Variants in NLE1 observed in about 807,000 individuals in gnomAD.
The protein encoded by NLE1 is notchless protein homolog 1.
NLE1 carries 37 observed loss-of-function variants against 62.8 expected under a neutral mutation model. The observed-to-expected ratio is 0.59, with a 90% CI of 0.45 to 0.78. The LOEUF is 0.78. Ranked by LOEUF, NLE1 falls within the 30% of genes least tolerant of loss-of-function variation. The pLI is 0.00. For missense variants in NLE1, 555 were observed against 637.9 expected (o/e 0.87, Z 1.40); for synonymous variants, 243 against 253.0 (o/e 0.96, Z 0.37).
Position 35,136,555 on chromosome 17 carries a change from G to A in NLE1, c.829-58C>T. 3 of 1,564,336 alleles carry A rather than the reference G, an allele frequency of 1.9e-6. No individual in the cohort carries two copies. In the Admixed American group the frequency reaches 5.3e-5, roughly 28 times the overall value. On this transcript the variant is annotated intron_variant, in intron 7 of 12. Coordinates refer to ENST00000442241, the MANE Select transcript of NLE1 (RefSeq NM_018096.5). ...ACTCCTCCCCACGCCTGGGCGATTA[G>A]CCCCAGGAGACAGGTGGTACAAGAC... is the stretch of plus-strand genomic sequence containing the variant.
chr17:35,136,998 T>C lies in NLE1; in HGVS notation c.828+3A>G. The C allele has an allele frequency of 6.3e-7, 1 of 1,590,920 alleles. No homozygotes were observed. The highest frequency in any genetic ancestry group is 8.6e-7 in the Non-Finnish European group (1 of 1,162,624). ...CTGGTTTCTGAACCCTCCCAGCACT[T>C]ACGTCATGAGCTCTCCAGACTTTGA... On this transcript the variant is annotated splice_donor_region_variant and intron_variant, in intron 7 of 12. Coordinates refer to ENST00000442241, the MANE Select transcript of NLE1 (RefSeq NM_018096.5).
Position 35,130,163 on chromosome 17 carries a change from G to A in NLE1, c.*2274C>T. The A allele has an allele frequency of 4.7e-6, 7 of 1,476,586 alleles. No individual in the cohort carries two copies. The highest frequency in any genetic ancestry group is 5.4e-6 in the Non-Finnish European group (6 of 1,117,000). The allele number at this position is 1,476,586 out of a possible 1,614,324, so 91.5% of individuals were successfully genotyped here. ...TGTTTCCTGCGTCAATGGCTAGGTT[G>A]GATAAGGCTGTTTAAGGTCTGAGTC... On this transcript the variant is annotated 3_prime_UTR_variant, in exon 13 of 13. Coordinates refer to ENST00000442241, the MANE Select transcript of NLE1 (RefSeq NM_018096.5).
rs956957977 is a variant in NLE1 at position 35,137,626 on chromosome 17, G to T, written c.552C>A (p.Asp184Glu). The change falls in exon 6 of 13, where the codon GAC becomes GAA. Residue 184 changes from aspartate (D) to glutamate (E), a missense_variant. Physicochemically the swap from Asp to Glu is conservative, Grantham distance 45. Coordinates refer to ENST00000442241, the MANE Select transcript of NLE1 (RefSeq NM_018096.5). ...TGCCCACCTGCTTCCCTGTGCTTGG[G>T]TCCCAGAGGAGAATCTGAAGGACAG... ...GCKNGQILLW[D>E]PSTGKQVGRT... 7 of 1,610,184 alleles carry T rather than the reference G, an allele frequency of 4.3e-6. No homozygotes were observed. Among genetic ancestry groups the T allele is most frequent in the Middle Eastern group, 3.3e-4 (2 of 6,058 alleles).
At position 35,129,559 on chromosome 17, in the gene NLE1, T is replaced by G; in HGVS notation, c.*2878A>C. ...GGATCTTCAACAAGATTTTGGGCAC[T>G]ACTGTCAAGCTGATGGAGCTAAAGC... On this transcript the variant is annotated 3_prime_UTR_variant, in exon 13 of 13. Coordinates refer to ENST00000442241, the MANE Select transcript of NLE1 (RefSeq NM_018096.5). 3 of 1,614,200 alleles carry G rather than the reference T, an allele frequency of 1.9e-6. No individual in the cohort carries two copies. The highest frequency in any genetic ancestry group is 2.5e-6 in the Non-Finnish European group (3 of 1,180,028).
Position 35,131,660 on chromosome 17 carries a change from G to A in NLE1, c.*777C>T, listed in dbSNP as rs2091876721. ...TCCCATGGGCCCAGGGCAGTGCTTG[G>A]TGCCTGGCAGGGCCTCAAGCAGTGT... is the stretch of plus-strand genomic sequence containing the variant. On this transcript the variant is annotated 3_prime_UTR_variant, in exon 13 of 13. Coordinates refer to ENST00000442241, the MANE Select transcript of NLE1 (RefSeq NM_018096.5). The A allele has an allele frequency of 1.3e-5, 2 of 152,342 alleles. No homozygotes were observed. 9.4% of individuals were successfully genotyped at this position (152,342 alleles called of 1,614,324 possible).
rs2091866404 is a variant in NLE1, at chr17:35,129,953, T to C, written c.*2484A>G. 1 of 1,368,688 alleles carries C rather than the reference T, an allele frequency of 7.3e-7. No individual in the cohort carries two copies. Among genetic ancestry groups the C allele is most frequent in the Non-Finnish European group, 9.4e-7 (1 of 1,061,302 alleles). The allele number at this position is 1,368,688 out of a possible 1,614,324, so 84.8% of individuals were successfully genotyped here. A position where few individuals can be genotyped will look rare whatever the true frequency, so the allele number is the denominator to read the frequency against. On this transcript the variant is annotated 3_prime_UTR_variant, in exon 13 of 13. Transcript: ENST00000442241. ...GCAATTCAGTGCCCATGATTGTGAG[T>C]AGGCTGGGAAGTCAAGGGCATTGAA...
intron 11 of NLE1, 39 bp from the exon 12 acceptor site, chr17:35,133,280 G>A (rs2091888211): frequency 1.2e-6 from 2 of 1,613,964 alleles, no homozygotes; most frequent in South Asian, 2.2e-5. Context: ...GGTGGTGAGA[G>A]GGAGACAGCC....
intron 10 of NLE1, among the ~76,000 whole-genome samples, chr17:35,134,673 T>C (rs917956332): frequency 6.6e-6 from 1 of 152,158 alleles, no homozygotes; most frequent in Admixed American, 6.5e-5. Flanking sequence ...CTCCTGGGAT[T>C]ATGGGCATGA....
intron 10 of NLE1, among the ~76,000 whole-genome samples, chr17:35,134,477 G>A (rs1433635795): frequency 6.6e-6 from 1 of 151,780 alleles, no homozygotes; most frequent in Non-Finnish European, 1.5e-5. Context: ...TCGACTCACT[G>A]CAACCTTTGC....
chr17:35,142,268 G>A lies in NLE1; in HGVS notation c.8C>T (p.Ala3Val), dbSNP rs745933276. The change falls in exon 1 of 13, where the codon GCA becomes GTA. Residue 3 changes from alanine to valine, a missense_variant. Physicochemically the swap from Ala to Val is moderately conservative, Grantham distance 64. Transcript: ENST00000442241. Reference sequence around the variant, plus strand: ...TCCACGCACACCCACCGGCACTGCTGCCGCCATCCTGCGTCCCCACGTGGA... The same window carrying A: ...TCCACGCACACCCACCGGCACTGCTACCGCCATCCTGCGTCCCCACGTGGA... MA[A>V]AVPDEAVARD... 4.5e-6 allele frequency: 7 copies of A among 1,543,594 alleles called. No homozygotes were observed. Among genetic ancestry groups the A allele is most frequent in the Non-Finnish European group, 6.1e-6 (7 of 1,147,524 alleles).
In NLE1 at chr17:35,137,143, C is replaced by T. The variant is rs368961163; in HGVS notation, c.686G>A (p.Arg229Gln). 5.0e-6 allele frequency: 8 copies of T among 1,613,362 alleles called. No homozygotes were observed. The highest frequency in any genetic ancestry group is 4.5e-5 in the East Asian group (2 of 44,856). ...VASSSKDGSVRIWDTTAGRCE... is the reference protein window; with the variant it reads ...VASSSKDGSVQIWDTTAGRCE... ...GCGGCCTGCAGTTGTGTCCCAGATC[C>T]GCACACTGCCATCCTTGGAGCTGCT... is the stretch of plus-strand genomic sequence containing the variant. The change falls in exon 7 of 13, where the codon CGG becomes CAG. Residue 229 changes from arginine (R) to glutamine (Q), a missense_variant. By Grantham distance (43) the Arg-to-Gln change is conservative (BLOSUM62 1). Coordinates refer to ENST00000442241, the MANE Select transcript of NLE1 (RefSeq NM_018096.5).
At chr17:35,135,533 C>G in intron 9 of NLE1, 82 bp from the exon 10 acceptor site, 1 of 1,235,998 alleles carries the variant, frequency 8.1e-7, no homozygotes, top group African/African-American at 1.5e-5. Context: ...CAAGCATACA[C>G]CCTGATTACT....
In NLE1 at chr17:35,142,113, C is replaced by T. The variant is rs773917230; in HGVS notation, c.28G>A (p.Val10Met). Residue 10 changes from valine to methionine, a missense_variant, in exon 2 of 13, where the codon GTG becomes ATG. Coordinates refer to ENST00000442241, the MANE Select transcript of NLE1 (RefSeq NM_018096.5). The stretch of plus-strand genomic sequence containing the variant: ...AGCAACCGCTGCACATCGCGCGCCA[C>T]CGCCTCGTCCTGCGCGAGCAAGTGG... The part of the protein sequence containing the change: MAAAVPDEA[V>M]ARDVQRLLVQ... 7.4e-6 allele frequency: 12 copies of T among 1,611,340 alleles called. No individual in the cohort carries two copies. Among genetic ancestry groups the T allele is most frequent in the Non-Finnish European group, 1.0e-5 (12 of 1,179,348 alleles).
chr17:35,137,927 T>A (rs1480176119), intron 4 of NLE1, 37 bp from the exon 5 acceptor site: 1 of 1,518,760 alleles, frequency 6.6e-7, no homozygotes, highest in Non-Finnish European at 9.1e-7. Context: ...AGGGACTACA[T>A]CTGTCTTTAT....
chr17:35,130,515 ATACCACCAGCACCC>A lies in NLE1; in HGVS notation c.*1908_*1921del. Reference sequence around the variant, plus strand: ...AGAAACCAGAGCCATGAGACCTACCATACCACCAGCACCCTGCGGGCCCGGGGTCTGGCAGAGTG... The same window carrying A: ...AGAAACCAGAGCCATGAGACCTACCATGCGGGCCCGGGGTCTGGCAGAGTG... On this transcript the variant is annotated 3_prime_UTR_variant, in exon 13 of 13. Coordinates refer to ENST00000442241, the MANE Select transcript of NLE1 (RefSeq NM_018096.5). 4 of 1,445,218 alleles carry A rather than the reference ATACCACCAGCACCC, an allele frequency of 2.8e-6. No homozygotes were observed. Among genetic ancestry groups the A allele is most frequent in the Non-Finnish European group, 3.8e-6 (4 of 1,054,896 alleles). 89.5% of individuals were successfully genotyped at this position (1,445,218 alleles called of 1,614,324 possible).
Position 35,132,400 on chromosome 17 carries a change from G to A in NLE1, c.*37C>T, listed in dbSNP as rs76233678. 7,012 of 1,441,084 alleles carry A rather than the reference G, an allele frequency of 4.9e-3. 288 individuals carry two copies. In the East Asian group the frequency reaches 0.11, roughly 22 times the overall value. The allele number at this position is 1,441,084 out of a possible 1,614,324, so 89.3% of individuals were successfully genotyped here. A position where few individuals can be genotyped will look rare whatever the true frequency, so the allele number is the denominator to read the frequency against. ...GCAGGGAAGGCAGCTGGCAGAGGCC[G>A]AGTCGAGGTGGGGGTCAGAGAGAAC... is the stretch of plus-strand genomic sequence containing the variant. On this transcript the variant is annotated 3_prime_UTR_variant, in exon 13 of 13. Coordinates refer to ENST00000442241, the MANE Select transcript of NLE1 (RefSeq NM_018096.5).
chr17:35,142,143 G>A lies in NLE1; in HGVS notation c.19-21C>T, dbSNP rs749975475. On this transcript the variant is annotated intron_variant, in intron 1 of 12. Transcript: ENST00000442241. Reference sequence around the variant, plus strand: ...TCGTCCTGCGCGAGCAAGTGGGGCGGGAGTCAGTCTGGTCGCCCGCCCAGA... The same window carrying A: ...TCGTCCTGCGCGAGCAAGTGGGGCGAGAGTCAGTCTGGTCGCCCGCCCAGA... The A allele has an allele frequency of 3.1e-6, 5 of 1,609,218 alleles. No homozygotes were observed. In the South Asian group the frequency reaches 3.3e-5, roughly 11 times the overall value.
At chr17:35,132,543 G>T in intron 12 of NLE1, 94 bp from the exon 13 acceptor site, 1 of 1,130,062 alleles carries the variant, frequency 8.8e-7, no homozygotes, top group Non-Finnish European at 1.2e-6. Flanking sequence ...ACGGCCTGTG[G>T]TCCACCCTCA....
intron 2 of NLE1, 60 bp from the exon 3 acceptor site, chr17:35,140,126 C>T: frequency 6.4e-7 from 1 of 1,565,150 alleles, no homozygotes. Context: ...CACCCTCTGC[C>T]AGGGATGCTC....
Sources: allele counts gnomAD v4.1 joint callset (sites outside exome capture counted in the v4.1 genomes callset), GRCh38; gene constraint gnomAD v4.1.1; transcripts MANE v1.5; gene names NCBI Gene and HGNC (gene_info 2026-07-23, HGNC 2026-07-21).